Variants in TAPT1 observed in about 807,000 individuals in gnomAD.
The protein encoded by TAPT1 is transmembrane anterior posterior transformation protein 1 homolog.
In TAPT1, 28 loss-of-function variants were observed where a neutral mutation model predicts 65.6. The ratio of observed to expected loss-of-function variants is 0.43; its 90% CI spans 0.32 to 0.59. The LOEUF (loss-of-function observed/expected upper bound fraction) is 0.59, where lower values mean the gene tolerates loss of function less well. Ranked by LOEUF, TAPT1 falls within the 20% of genes least tolerant of loss-of-function variation. The pLI is 0.09. For synonymous variants in TAPT1, 278 were observed against 245.2 expected (o/e 1.13, Z -1.25); for missense variants, 563 against 679.9 (o/e 0.83, Z 1.91).
chr4:16,178,451 A>C (rs921424254), intron 8 of TAPT1, among the ~76,000 whole-genome samples: 1 of 152,226 alleles, frequency 6.6e-6, no homozygotes, highest in Non-Finnish European at 1.5e-5. Flanking sequence ...GTAATAAATG[A>C]AATCCAAAAC....
chr4:16,180,162 C>T (rs1393069441), intron 7 of TAPT1, among the ~76,000 whole-genome samples: 1 of 152,094 alleles, frequency 6.6e-6, no homozygotes, highest in African/African-American at 2.4e-5. Flanking sequence ...AATAGCATTT[C>T]CGGGGGTGTA....
At chr4:16,205,435 A>G (rs1442529070) in intron 2 of TAPT1, among the ~76,000 whole-genome samples, 2 of 152,190 alleles carry the variant, frequency 1.3e-5, no homozygotes, top group Non-Finnish European at 2.9e-5. Flanking sequence ...CTACTCCTGT[A>G]AAAGCAGAGA....
chr4:16,191,493 C>G lies in TAPT1; in HGVS notation c.480G>C (p.Val160=). The G allele has an allele frequency of 6.4e-7, 1 of 1,563,334 alleles. No homozygotes were observed. The highest frequency in any genetic ancestry group is 8.7e-7 in the Non-Finnish European group (1 of 1,153,150). Residue 160 remains valine (V), a synonymous_variant, in exon 4 of 14, where the codon GTG becomes GTC. Transcript: ENST00000405303. ...RDRRLLQPAQ[V]CDILKGVILV... ...AAATGACACCCTTCAAAATGTCACA[C>G]ACCTGGGCAGGCTGAAGCAAACGTC...
chr4:16,215,648 T>A (rs1021487829), intron 1 of TAPT1, among the ~76,000 whole-genome samples: 1 of 152,226 alleles, frequency 6.6e-6, no homozygotes, highest in Non-Finnish European at 1.5e-5. Flanking sequence ...TCTATCTACA[T>A]GTGTCGTACT....
At chr4:16,184,478 G>T (rs1452313276) in intron 7 of TAPT1, among the ~76,000 whole-genome samples, 3 of 152,140 alleles carry the variant, frequency 2.0e-5, no homozygotes, top group Admixed American at 1.3e-4. Flanking sequence ...AATAATTCTT[G>T]CAACAAGTCC....
At chr4:16,226,932 G>A, upstream of TAPT1, 1 of 392,774 alleles carries the variant, frequency 2.5e-6, no homozygotes, top group Non-Finnish European at 5.0e-6. Flanking sequence ...GGCCTCTTTT[G>A]CAGACTCGGT....
intron 8 of TAPT1, chr4:16,178,845 A>T (rs1218848708): frequency 3.9e-5 from 6 of 152,242 alleles, no homozygotes; most frequent in Non-Finnish European, 7.3e-5. Flanking sequence ...GTAAAAGATA[A>T]TGTTAGGGAA....
At chr4:16,192,665 G>T (rs528588787) in intron 3 of TAPT1, among the ~76,000 whole-genome samples, 1 of 152,332 alleles carries the variant, frequency 6.6e-6, no homozygotes, top group South Asian at 2.1e-4. Flanking sequence ...GAATGGGAAA[G>T]ATACGTTCTC....
chr4:16,174,136 ATCC>A, intron 11 of TAPT1, 65 bp downstream of exon 11: 7 of 1,199,644 alleles, frequency 5.8e-6, no homozygotes, highest in Non-Finnish European at 8.2e-6. Flanking sequence ...CATATTAATA[ATCC>A]ATTTATTAAT....
chr4:16,227,223 C>G, upstream of TAPT1: 2 of 455,370 alleles, frequency 4.4e-6, no homozygotes, highest in South Asian at 3.1e-5. Context: ...GGCAGAGTTT[C>G]AAGGGCTGGC....
intron 3 of TAPT1, among the ~76,000 whole-genome samples, chr4:16,195,506 G>T (rs948084597): frequency 6.6e-6 from 1 of 152,010 alleles, no homozygotes; most frequent in Non-Finnish European, 1.5e-5. Flanking sequence ...TATTACATCA[G>T]GTATTTAACA....
At chr4:16,167,175 T>C (rs945923175) in intron 12 of TAPT1, among the ~76,000 whole-genome samples, 5 of 152,044 alleles carry the variant, frequency 3.3e-5, no homozygotes, top group East Asian at 1.9e-4. Flanking sequence ...GTATTTTTAG[T>C]AGAGACAGGG....
At chr4:16,223,313 G>A (rs1212369533) in intron 1 of TAPT1, among the ~76,000 whole-genome samples, 2 of 152,154 alleles carry the variant, frequency 1.3e-5, no homozygotes, top group Non-Finnish European at 2.9e-5. Flanking sequence ...ATCAAGTGGG[G>A]AACAAGCACA....
chr4:16,223,706 T>C (rs1170112926), intron 1 of TAPT1, among the ~76,000 whole-genome samples: 1 of 152,202 alleles, frequency 6.6e-6, no homozygotes, highest in East Asian at 1.9e-4. Flanking sequence ...ATATAGAGCA[T>C]ATACAGCTAT....
At chr4:16,163,613 G>T in intron 13 of TAPT1, 76 bp from the exon 14 acceptor site, 1 of 1,226,008 alleles carries the variant, frequency 8.2e-7, no homozygotes, top group Non-Finnish European at 1.1e-6. Context: ...TACCAATACA[G>T]TGGTGCTGAA....
At chr4:16,216,964 A>G (rs1469061066) in intron 1 of TAPT1, among the ~76,000 whole-genome samples, 1 of 152,172 alleles carries the variant, frequency 6.6e-6, no homozygotes, top group Non-Finnish European at 1.5e-5. Flanking sequence ...CTCTTTAGTC[A>G]TGCTTCACAC....
chr4:16,174,355 A>G, intron 10 of TAPT1, 83 bp from the exon 11 acceptor site: 1 of 1,244,482 alleles, frequency 8.0e-7, no homozygotes, highest in Non-Finnish European at 1.1e-6. Context: ...TTACCAGCAA[A>G]TGTTCTAAAC....
intron 1 of TAPT1, among the ~76,000 whole-genome samples, chr4:16,224,817 A>C (rs1304884315): frequency 6.6e-6 from 1 of 152,230 alleles, no homozygotes; most frequent in African/African-American, 2.4e-5. Flanking sequence ...CTGCAAGCTC[A>C]AGATCTGTGC....
chr4:16,203,404 T>C (rs926462534), intron 2 of TAPT1, among the ~76,000 whole-genome samples: 4 of 152,220 alleles, frequency 2.6e-5, no homozygotes, highest in African/African-American at 9.6e-5. Context: ...CTCTATCAAG[T>C]TCCTATGTTG....
Sources: gnomAD v4.1 joint callset for allele counts (sites outside exome capture counted in the v4.1 genomes callset) on GRCh38, gnomAD v4.1.1 for gene constraint, MANE v1.5 for transcripts, NCBI Gene and HGNC (gene_info 2026-07-23, HGNC 2026-07-21) for gene names.